RMDN2: variants seen among roughly 807,000 people sequenced by gnomAD.
RMDN2 encodes the protein regulator of microtubule dynamics protein 2.
Under a neutral mutation model 52.8 loss-of-function variants are expected in RMDN2, and 61 were observed. The observed-to-expected ratio is 1.16, with a 90% CI of 0.94 to 1.43. RMDN2 has a LOEUF of 1.43. Among genes scored for constraint, RMDN2 ranks in the 40% most tolerant of loss-of-function variants. The pLI is 0.00. For synonymous variants in RMDN2, 180 were observed against 153.1 expected (o/e 1.18, Z -1.30); for missense variants, 592 against 475.3 (o/e 1.25, Z -2.28).
intron 2 of RMDN2, among the ~76,000 whole-genome samples, chr2:37,937,521 A>G (rs540475516): frequency 1.3e-5 from 2 of 152,282 alleles, no homozygotes; most frequent in East Asian, 3.9e-4. Context: ...GATTCTTCCT[A>G]TCCATGAGCA....
chr2:37,929,333 G>A lies in RMDN2; in HGVS notation c.56G>A (p.Gly19Glu). The A allele has an allele frequency of 6.4e-7, 1 of 1,551,892 alleles. No homozygotes were observed. Among genetic ancestry groups the A allele is most frequent in the Non-Finnish European group, 8.7e-7 (1 of 1,146,934 alleles). ...LILGIMVGTA[G>E]ISLLLLWYHK... ...CTTGGCATCATGGTGGGCACTGCTGGAATCAGCTTGCTGCTCTTGTGGTAC... is the reference window on the plus strand; with the variant it reads ...CTTGGCATCATGGTGGGCACTGCTGAAATCAGCTTGCTGCTCTTGTGGTAC... Residue 19 changes from glycine to glutamate, a missense_variant, in exon 2 of 11, where the codon GGA (glycine) becomes GAA (glutamate). Physicochemically the swap from Gly to Glu is moderately conservative, Grantham distance 98 (BLOSUM62 -2). Coordinates refer to ENST00000354545, the MANE Select transcript of RMDN2 (RefSeq NM_001170791.3).
At chr2:38,061,737 T>A (rs956049278) in intron 10 of RMDN2, among the ~76,000 whole-genome samples, 20 of 152,260 alleles carry the variant, frequency 1.3e-4, no homozygotes, top group African/African-American at 4.3e-4. Flanking sequence ...CTCCATGAGG[T>A]CAGGGCCTGG....
rs1365955443 is a variant in RMDN2, at chr2:38,017,437, T to C, written c.*198T>C. 2.2e-5 allele frequency: 27 copies of C among 1,232,212 alleles called. No homozygotes were observed. The highest frequency in any genetic ancestry group is 2.8e-5 in the Non-Finnish European group (26 of 934,546). 76.3% of individuals were successfully genotyped at this position (1,232,212 alleles called of 1,614,324 possible). On this transcript the variant is annotated 3_prime_UTR_variant, in exon 11 of 11. Transcript: ENST00000354545. ...TGTTATTTGGAGAATCTATATACTATAATGTCAATACATAATCTATAAACA... is the reference window on the plus strand; with the variant it reads ...TGTTATTTGGAGAATCTATATACTACAATGTCAATACATAATCTATAAACA...
At chr2:37,974,855 C>G (rs914994674) in intron 3 of RMDN2, 1 of 208,260 alleles carries the variant, frequency 4.8e-6, no homozygotes, top group Non-Finnish European at 9.4e-6. Context: ...AACTGAGATG[C>G]TCATTATATT....
Position 37,991,208 on chromosome 2 carries a change from T to C in RMDN2, c.868-12T>C, listed in dbSNP as rs773543513. On this transcript the variant is annotated splice_polypyrimidine_tract_variant and intron_variant, in intron 6 of 10. Transcript: ENST00000354545. ...ACTTGGGAGATGATTTTCCTTTGGA[T>C]GCTTTTTTCAGGAACATCTAGATAT... The C allele has an allele frequency of 3.3e-6, 5 of 1,521,876 alleles. No homozygotes were observed. Among genetic ancestry groups the C allele is most frequent in the Non-Finnish European group, 4.5e-6 (5 of 1,117,504 alleles). The allele number at this position is 1,521,876 out of a possible 1,614,324, so 94.3% of individuals were successfully genotyped here. A position where few individuals can be genotyped will look rare whatever the true frequency, so the allele number is the denominator to read the frequency against.
intron 10 of RMDN2, among the ~76,000 whole-genome samples, chr2:38,050,462 A>G (rs905542448): frequency 1.3e-5 from 2 of 152,200 alleles, no homozygotes; most frequent in Non-Finnish European, 2.9e-5. Flanking sequence ...CTAGCCCATC[A>G]TATTTTTTCA....
downstream of RMDN2, among the ~76,000 whole-genome samples, chr2:38,020,999 T>C (rs935719151): frequency 2.0e-5 from 3 of 152,274 alleles, 1 homozygote; most frequent in Middle Eastern, 6.8e-3. Flanking sequence ...TGGGGAACCT[T>C]TATGTCTAGC....
Position 37,964,944 on chromosome 2 carries a change from T to G in RMDN2, c.453-9096T>G, listed in dbSNP as rs116826322. Among the ~76,000 whole-genome samples the G allele has an allele frequency of 8.8e-3, 1,338 of 152,304 alleles. 24 individuals are homozygous for G. The highest frequency in any genetic ancestry group is 0.03 in the African/African-American group (1,252 of 41,578). ...ATGATGTTGAGTGCATTTAGTGTTA[T>G]TGTTATATCTTCTTGGTAATTGGCT... On this transcript the variant is annotated intron_variant, in intron 2 of 10. Coordinates refer to ENST00000354545, the MANE Select transcript of RMDN2 (RefSeq NM_001170791.3).
upstream of RMDN2, among the ~76,000 whole-genome samples, chr2:37,925,092 G>A (rs1558426743): frequency 2.6e-5 from 4 of 152,322 alleles, no homozygotes; most frequent in Middle Eastern, 3.4e-3. Context: ...GGGAAAAGGT[G>A]CCGACCGGCT....
intron 10 of RMDN2, among the ~76,000 whole-genome samples, chr2:38,043,968 C>T (rs754936031): frequency 1.3e-5 from 2 of 152,006 alleles, no homozygotes; most frequent in Non-Finnish European, 2.9e-5. Context: ...CTTTCTTTAT[C>T]CAAGTGTCTG....
intron 2 of RMDN2, among the ~76,000 whole-genome samples, chr2:37,939,162 CATTCAG>C (rs1352492001): frequency 6.6e-6 from 1 of 152,154 alleles, no homozygotes; most frequent in Non-Finnish European, 1.5e-5. Context: ...ACTCAGTAGT[CATTCAG>C]GAGCAGGTTG....
chr2:37,975,506 A>G (rs1364310080), intron 4 of RMDN2, among the ~76,000 whole-genome samples, 192 bp downstream of exon 4: 3 of 152,180 alleles, frequency 2.0e-5, no homozygotes, highest in African/African-American at 4.8e-5. Context: ...GAGTTGAACA[A>G]TGAGAATACA....
intron 10 of RMDN2, among the ~76,000 whole-genome samples, chr2:38,055,068 T>G (rs1169322866): frequency 1.3e-5 from 2 of 152,214 alleles, no homozygotes; most frequent in African/African-American, 2.4e-5. Context: ...CAAGCATTGC[T>G]TATTATATCT....
chr2:38,011,260 C>G (rs1677948547), intron 10 of RMDN2, among the ~76,000 whole-genome samples: 1 of 152,200 alleles, frequency 6.6e-6, no homozygotes, highest in South Asian at 2.1e-4. Flanking sequence ...GAAAAATAAA[C>G]TATTGCCCTG....
chr2:38,001,666 G>C (rs965274772), intron 8 of RMDN2, among the ~76,000 whole-genome samples: 2 of 152,154 alleles, frequency 1.3e-5, no homozygotes, highest in Admixed American at 6.5e-5. Context: ...TATGGGATTC[G>C]GACAGAGCTG....
intron 8 of RMDN2, among the ~76,000 whole-genome samples, chr2:37,999,921 C>T (rs983686056): frequency 6.6e-6 from 1 of 152,062 alleles, no homozygotes; most frequent in Non-Finnish European, 1.5e-5. Context: ...AGTTCTCCCA[C>T]TCTCAAATTC....
intron 5 of RMDN2, among the ~76,000 whole-genome samples, chr2:37,987,577 G>A (rs1464661559): frequency 6.6e-6 from 1 of 152,106 alleles, no homozygotes; most frequent in Admixed American, 6.5e-5. Flanking sequence ...GATTTTTATA[G>A]GAAGTAAAAC....
At chr2:38,059,352 C>T (rs1443181915) in intron 10 of RMDN2, among the ~76,000 whole-genome samples, 5 of 152,090 alleles carry the variant, frequency 3.3e-5, no homozygotes, top group Non-Finnish European at 7.3e-5. Context: ...AGTGATCATA[C>T]CATCAGAATT....
chr2:37,963,335 T>TTTA (rs1670532285), intron 2 of RMDN2: 2 of 111,026 alleles, frequency 1.8e-5, no homozygotes, highest in South Asian at 5.5e-4. Context: ...TTTTTTTTTT[T>TTTA]AATTGATCAT....
Sources: allele counts gnomAD v4.1 joint callset (sites outside exome capture counted in the v4.1 genomes callset), GRCh38; gene constraint gnomAD v4.1.1; transcripts MANE v1.5; gene names NCBI Gene and HGNC (gene_info 2026-07-23, HGNC 2026-07-21).